MDN1: variants seen among roughly 807,000 people sequenced by gnomAD.
MDN1 encodes midasin AAA ATPase 1.
MDN1 carries 266 observed loss-of-function variants against 669.2 expected under a neutral mutation model. The ratio of observed to expected loss-of-function variants is 0.40; its 90% CI spans 0.36 to 0.44. The LOEUF (loss-of-function observed/expected upper bound fraction) is 0.44, where lower values mean the gene tolerates loss of function less well. MDN1 is among the 20% of genes least tolerant of loss of function. MDN1 has a pLI of 1.00. For synonymous variants in MDN1, 2,385 were observed against 2,457.1 expected (o/e 0.97, Z 0.87); for missense variants, 5,940 against 6,754.0 (o/e 0.88, Z 4.22).
intron 58 of MDN1, 92 bp downstream of exon 58, chr6:89,699,509 A>G: frequency 7.1e-7 from 1 of 1,416,732 alleles, no homozygotes; most frequent in South Asian, 1.6e-5. Flanking sequence ...TGGAATTTTG[A>G]GAATAAATAA....
Position 89,664,538 on chromosome 6 carries a change from T to C in MDN1, c.14185A>G (p.Met4729Val), listed in dbSNP as rs761645202. 3.0e-5 allele frequency: 48 copies of C among 1,613,970 alleles called. No individual in the cohort carries two copies. The highest frequency in any genetic ancestry group is 3.8e-5 in the Non-Finnish European group (45 of 1,179,972). ...ATTTTCCCATCAAAATCTTCCGACATCTCAATGGCATTATCCTCGCCCTTA... is the reference window on the plus strand; with the variant it reads ...ATTTTCCCATCAAAATCTTCCGACACCTCAATGGCATTATCCTCGCCCTTA... ...DIKGEDNAIEMSEDFDGKMHD... is the reference protein window; with the variant it reads ...DIKGEDNAIEVSEDFDGKMHD... Residue 4729 changes from methionine to valine, a missense_variant, in exon 85 of 102, where the codon ATG becomes GTG. By Grantham distance (21) the Met-to-Val change is conservative. Transcript: ENST00000369393.
At chr6:89,722,921 G>A in intron 40 of MDN1, 34 bp downstream of exon 40, 1 of 1,557,404 alleles carries the variant, frequency 6.4e-7, no homozygotes, top group Non-Finnish European at 8.7e-7. Flanking sequence ...ACTTTCAGAT[G>A]GAAAGAAATA....
chr6:89,775,808 C>A (rs1818326985), intron 12 of MDN1, among the ~76,000 whole-genome samples: 1 of 152,104 alleles, frequency 6.6e-6, no homozygotes, highest in Admixed American at 6.6e-5. Context: ...GCTTCAGCCT[C>A]CCGAGTAGCT....
chr6:89,740,953 C>T (rs943531229), intron 31 of MDN1, among the ~76,000 whole-genome samples: 5 of 152,150 alleles, frequency 3.3e-5, no homozygotes, highest in Admixed American at 6.5e-5. Context: ...GATTGTAGGC[C>T]GGGCGCAGTG....
chr6:89,694,652 T>A (rs1022564638), intron 61 of MDN1, among the ~76,000 whole-genome samples: 3 of 151,640 alleles, frequency 2.0e-5, no homozygotes, highest in African/African-American at 7.3e-5. Flanking sequence ...CAAGTGATCC[T>A]CCTGCTTCAG....
At chr6:89,798,752 C>T (rs1308475435) in intron 2 of MDN1, among the ~76,000 whole-genome samples, 1 of 152,108 alleles carries the variant, frequency 6.6e-6, no homozygotes, top group African/African-American at 2.4e-5. Flanking sequence ...ATTTAAAATG[C>T]GTGCATATCA....
chr6:89,653,282 C>T, intron 93 of MDN1, 127 bp from the exon 94 acceptor site: 1 of 928,032 alleles, frequency 1.1e-6, no homozygotes, highest in Non-Finnish European at 1.6e-6. Flanking sequence ...CACATTTCCA[C>T]ATGTTGATTT....
intron 74 of MDN1, among the ~76,000 whole-genome samples, chr6:89,679,726 G>A (rs1811466914): frequency 6.6e-6 from 1 of 152,184 alleles, no homozygotes; most frequent in South Asian, 2.1e-4. Context: ...TCACACTGAA[G>A]CCACCCAGTC....
intron 9 of MDN1, among the ~76,000 whole-genome samples, chr6:89,784,157 A>C (rs1818826395): frequency 6.6e-6 from 1 of 151,814 alleles, no homozygotes; most frequent in Admixed American, 6.6e-5. Context: ...TCTACTAAAA[A>C]TACAAAAAAA....
At chr6:89,667,781 A>C (rs1365090787) in intron 84 of MDN1, among the ~76,000 whole-genome samples, 2 of 152,166 alleles carry the variant, frequency 1.3e-5, no homozygotes, top group African/African-American at 4.8e-5. Context: ...AAAAAAGTAA[A>C]AATCATTTCC....
At position 89,699,058 on chromosome 6, in the gene MDN1, G is replaced by C. The variant is rs768318929; in HGVS notation, c.8998-23C>G. ...CACCTAGAAATAAAGGAATAATTAGGTAAGAGAATACCTGAGAAAGACTCC... is the reference window on the plus strand; with the variant it reads ...CACCTAGAAATAAAGGAATAATTAGCTAAGAGAATACCTGAGAAAGACTCC... On this transcript the variant is annotated intron_variant, in intron 58 of 101. Coordinates refer to ENST00000369393, the MANE Select transcript of MDN1 (RefSeq NM_014611.3). 2.5e-6 allele frequency: 4 copies of C among 1,579,946 alleles called. No individual in the cohort carries two copies. The South Asian group carries it at 3.3e-5, about 13-fold the overall frequency.
intron 2 of MDN1, among the ~76,000 whole-genome samples, chr6:89,803,086 T>C (rs987910542): frequency 6.6e-6 from 1 of 152,218 alleles, no homozygotes; most frequent in African/African-American, 2.4e-5. Flanking sequence ...ACTGGGGACA[T>C]ATCCTGGCCA....
At chr6:89,807,450 AGTC>A (rs1192263500) in intron 1 of MDN1, among the ~76,000 whole-genome samples, 1 of 152,194 alleles carries the variant, frequency 6.6e-6, no homozygotes, top group African/African-American at 2.4e-5. Flanking sequence ...AGAAGTCAGC[AGTC>A]ATTTTTATCT....
chr6:89,739,052 T>C (rs953032242), intron 32 of MDN1, among the ~76,000 whole-genome samples: 3 of 152,254 alleles, frequency 2.0e-5, no homozygotes, highest in African/African-American at 7.2e-5. Context: ...AGCATCATTA[T>C]TGGTTTGTCT....
chr6:89,696,247 C>G, intron 60 of MDN1, 113 bp downstream of exon 60: 1 of 1,186,130 alleles, frequency 8.4e-7, no homozygotes, highest in Non-Finnish European at 1.2e-6. Flanking sequence ...AAAATACCCT[C>G]ACTTCAAACA....
intron 70 of MDN1, 95 bp downstream of exon 70, chr6:89,685,732 T>A (rs1811959315): frequency 1.5e-6 from 2 of 1,320,108 alleles, no homozygotes; most frequent in Non-Finnish European, 2.1e-6. Context: ...GTTTAAAACC[T>A]AGCGTGCAAC....
intron 15 of MDN1, among the ~76,000 whole-genome samples, chr6:89,771,309 G>A (rs573044402): frequency 3.9e-5 from 6 of 152,202 alleles, no homozygotes; most frequent in African/African-American, 1.4e-4. Context: ...GCCTCTACAT[G>A]CTTAAATATC....
At chr6:89,702,169 A>G (rs1813204324) in intron 53 of MDN1, 108 bp from the exon 54 acceptor site, 1 of 1,098,268 alleles carries the variant, frequency 9.1e-7, no homozygotes, top group East Asian at 2.6e-5. Context: ...CCGGGAAAAG[A>G]CACACAACAT....
chr6:89,676,027 G>A, intron 77 of MDN1, 75 bp downstream of exon 77: 2 of 1,359,856 alleles, frequency 1.5e-6, no homozygotes, highest in Non-Finnish European at 2.1e-6. Context: ...AACAAGGTCT[G>A]AGAATACAGC....
Sources: allele counts gnomAD v4.1 joint callset (sites outside exome capture counted in the v4.1 genomes callset), GRCh38; gene constraint gnomAD v4.1.1; transcripts MANE v1.5; gene names NCBI Gene and HGNC (gene_info 2026-07-23, HGNC 2026-07-21).